NSG2: variants seen among roughly 807,000 people sequenced by gnomAD.
NSG2 encodes the protein neuronal vesicle trafficking associated 2, also known as neuronal vesicle trafficking-associated protein 2.
In NSG2, 4 loss-of-function variants were observed where a neutral mutation model predicts 16.9. The observed-to-expected ratio is 0.24, with a 90% CI of 0.12 to 0.54. The LOEUF (loss-of-function observed/expected upper bound fraction) is 0.54. Among genes scored for constraint, NSG2 ranks in the 20% least tolerant of loss-of-function variants. The pLI is 0.95. For missense variants in NSG2, 179 were observed against 221.1 expected (o/e 0.81, Z 1.21); for synonymous variants, 98 against 88.7 (o/e 1.11, Z -0.59).
chr5:174,049,432 TGCACGC>T (rs58630032), intron 2 of NSG2, among the ~76,000 whole-genome samples: 17,703 of 145,676 alleles, frequency 0.12, 1,748 homozygotes, highest in African/African-American at 0.27. Flanking sequence ...AAGCTATATG[TGCACGC>T]GCACGTGCAC....
At chr5:174,098,037 G>A (rs1581242298) in intron 3 of NSG2, among the ~76,000 whole-genome samples, 1 of 152,248 alleles carries the variant, frequency 6.6e-6, no homozygotes, top group African/African-American at 2.4e-5. Context: ...CGAGAGGGGT[G>A]ATGGGGATGC....
intron 3 of NSG2, among the ~76,000 whole-genome samples, chr5:174,093,179 A>G (rs141640495): frequency 1.3e-5 from 2 of 152,294 alleles, no homozygotes; most frequent in East Asian, 1.9e-4. Flanking sequence ...ACATTGTACA[A>G]TGGGCACACT....
intron 3 of NSG2, among the ~76,000 whole-genome samples, chr5:174,085,150 A>G (rs1760584961): frequency 6.6e-6 from 1 of 152,220 alleles, no homozygotes. Context: ...TGGTGACTCC[A>G]TAAGTGTATA....
In NSG2 at chr5:174,046,990, C is replaced by G. The variant is rs915905189; in HGVS notation, c.129+106C>G. 29 of 1,091,924 alleles carry G rather than the reference C, an allele frequency of 2.7e-5. No individual in the cohort carries two copies. The African/African-American group carries it at 3.0e-4, about 11-fold the overall frequency. The allele number at this position is 1,091,924 out of a possible 1,614,324, so 67.6% of individuals were successfully genotyped here. A position where few individuals can be genotyped will look rare whatever the true frequency, so the allele number is the denominator to read the frequency against. ...CAAATCCTTTCATTCTCTTATCTGC[C>G]AAATGTGCTCCCTTTCTTGTAAAAT... On this transcript the variant is annotated intron_variant, in intron 2 of 4. Transcript: ENST00000303177.
chr5:174,085,606 A>G (rs1469366788), intron 3 of NSG2, among the ~76,000 whole-genome samples: 1 of 152,220 alleles, frequency 6.6e-6, no homozygotes, highest in African/African-American at 2.4e-5. Context: ...TGTAGCTACA[A>G]TCATTGCCTG....
At chr5:174,088,984 T>C (rs1760677533) in intron 3 of NSG2, among the ~76,000 whole-genome samples, 1 of 152,146 alleles carries the variant, frequency 6.6e-6, no homozygotes, top group Non-Finnish European at 1.5e-5. Flanking sequence ...AGACTTGGCT[T>C]CTAGGTATTA....
chr5:174,046,830 C>G lies in NSG2; in HGVS notation c.75C>G (p.Val25=), dbSNP rs1759807859. 1 of 1,613,996 alleles carries G rather than the reference C, an allele frequency of 6.2e-7. No homozygotes were observed. Among genetic ancestry groups the G allele is most frequent in the South Asian group, 1.1e-5 (1 of 91,084 alleles). Residue 25 remains valine (V), a synonymous_variant, in exon 2 of 5, where the codon GTC becomes GTG. Transcript: ENST00000303177. ...CAGTTGAGGATGGCTTCCAGACCGT[C>G]CCTCTCATCACTCCCTTGGAGGTTA... ...PPSVEDGFQT[V]PLITPLEVNH...
In NSG2 at chr5:174,107,223, G is replaced by A. The variant is rs1760996217; in HGVS notation, c.325-91G>A. The A allele has an allele frequency of 2.5e-6, 3 of 1,201,526 alleles. No homozygotes were observed. The highest frequency in any genetic ancestry group is 4.1e-4 in the Middle Eastern group (2 of 4,870). The allele number at this position is 1,201,526 out of a possible 1,614,324, so 74.4% of individuals were successfully genotyped here. ...CCTGCCCTCTGGCTGACAGCCCGATGCAGCTGCACTCCAGTCAGGGTGGCT... is the reference window on the plus strand; with the variant it reads ...CCTGCCCTCTGGCTGACAGCCCGATACAGCTGCACTCCAGTCAGGGTGGCT... On this transcript the variant is annotated intron_variant, in intron 4 of 4. Coordinates refer to ENST00000303177, the MANE Select transcript of NSG2 (RefSeq NM_015980.5). The surrounding 1 kb of genome is among the most constrained non-coding windows in gnomAD (Gnocchi z 4.5).
At chr5:174,063,098 A>T (rs112689224) in intron 2 of NSG2, among the ~76,000 whole-genome samples, 140 of 152,326 alleles carry the variant, frequency 9.2e-4, no homozygotes, top group African/African-American at 3.2e-3. Flanking sequence ...TCTGGCATAT[A>T]ATAAGTGGTT....
intron 2 of NSG2, among the ~76,000 whole-genome samples, chr5:174,061,094 A>G (rs1404801324): frequency 1.3e-5 from 2 of 151,976 alleles, no homozygotes; most frequent in Non-Finnish European, 1.5e-5. Context: ...CAAGAAATAC[A>G]TATATTATAT....
At chr5:174,062,067 GGAAGAAAA>G (rs1399154850) in intron 2 of NSG2, among the ~76,000 whole-genome samples, 1 of 152,062 alleles carries the variant, frequency 6.6e-6, no homozygotes. Context: ...CAGTATCTAT[GGAAGAAAA>G]TGTGATAGCA....
intron 3 of NSG2, among the ~76,000 whole-genome samples, chr5:174,093,642 C>G (rs993392599): frequency 2.0e-5 from 3 of 152,226 alleles, no homozygotes; most frequent in South Asian, 2.1e-4. Context: ...CAGCCAGGAA[C>G]AAGGTGCCGG....
chr5:174,085,032 GGGAA>G (rs1760581470), intron 3 of NSG2, among the ~76,000 whole-genome samples: 2 of 152,180 alleles, frequency 1.3e-5, no homozygotes, highest in African/African-American at 4.8e-5. Flanking sequence ...ATCAAACCAT[GGGAA>G]AGTTAATTAA....
At chr5:174,097,089 T>C (rs59539756) in intron 3 of NSG2, among the ~76,000 whole-genome samples, 17,564 of 152,090 alleles carry the variant, frequency 0.12, 1,356 homozygotes, top group African/African-American at 0.21. Context: ...TCTGTTGTTA[T>C]TGTTACGACT....
chr5:174,087,702 C>CAA (rs1760653386), intron 3 of NSG2, among the ~76,000 whole-genome samples: 1 of 151,634 alleles, frequency 6.6e-6, no homozygotes, highest in Admixed American at 6.6e-5. Context: ...GTGGGAGGAT[C>CAA]GCTTGTGCCT....
intron 3 of NSG2, among the ~76,000 whole-genome samples, chr5:174,079,758 TTTTG>T (rs1186157053): frequency 1.3e-5 from 2 of 152,184 alleles, no homozygotes; most frequent in Non-Finnish European, 2.9e-5. Context: ...TGCCTTTTGG[TTTTG>T]TTTATGGTGT....
At chr5:174,084,066 C>A (rs910262179) in intron 3 of NSG2, 1 of 152,180 alleles carries the variant, frequency 6.6e-6, no homozygotes, top group Admixed American at 6.5e-5. Flanking sequence ...ATGTCTTGCC[C>A]GCCTGCTGCA....
intron 2 of NSG2, among the ~76,000 whole-genome samples, chr5:174,060,606 G>A (rs1760035208): frequency 6.6e-6 from 1 of 151,336 alleles, no homozygotes; most frequent in Non-Finnish European, 1.5e-5. Flanking sequence ...GTTTTCGTAG[G>A]TCAGAAGTCC....
intron 3 of NSG2, among the ~76,000 whole-genome samples, chr5:174,067,589 G>A (rs1050350639): frequency 3.3e-5 from 5 of 152,230 alleles, no homozygotes; most frequent in African/African-American, 7.2e-5. Context: ...GGGAGGAATG[G>A]AGCAGATTCT....
Sources: allele counts gnomAD v4.1 joint callset (sites outside exome capture counted in the v4.1 genomes callset), GRCh38; gene constraint gnomAD v4.1.1; non-coding constraint Gnocchi (gnomAD v3.1); transcripts MANE v1.5; gene names NCBI Gene and HGNC (gene_info 2026-07-23, HGNC 2026-07-21).